NRG3: variants seen among roughly 807,000 people sequenced by gnomAD.
The protein encoded by NRG3 is neuregulin 3.
A neutral mutation model predicts 66.9 loss-of-function variants in NRG3; 31 were observed. The ratio of observed to expected loss-of-function variants is 0.46; its 90% CI spans 0.35 to 0.63. The LOEUF (loss-of-function observed/expected upper bound fraction) is 0.63, where lower values mean the gene tolerates loss of function less well. Ranked by LOEUF, NRG3 falls within the 20% of genes least tolerant of loss-of-function variation. NRG3 has a pLI of 0.00. For missense variants in NRG3, 910 were observed against 878.9 expected (o/e 1.04, Z -0.45); for synonymous variants, 393 against 359.4 (o/e 1.09, Z -1.06).
chr10:82,440,098 G>T (rs923907271), intron 2 of NRG3, among the ~76,000 whole-genome samples: 15 of 151,968 alleles, frequency 9.9e-5, no homozygotes, highest in African/African-American at 3.6e-4. Context: ...TCTAATGGCA[G>T]ATTATGTTTC....
chr10:82,982,501 A>C lies in NRG3; in HGVS notation c.1584-2597A>C, dbSNP rs550472798. On this transcript the variant is annotated intron_variant, in intron 8 of 8. Coordinates refer to ENST00000372141, the MANE Select transcript of NRG3 (RefSeq NM_001010848.4). The stretch of plus-strand genomic sequence containing the variant: ...CTCTGACTCAGAATCACATCTAGAA[A>C]TTTAGCTCTCACTTAAACTTCTGCT... Among the ~76,000 whole-genome samples the C allele has an allele frequency of 9.2e-5, 14 of 152,270 alleles. No individual in the cohort carries two copies. In the East Asian group the frequency reaches 2.7e-3, roughly 29 times the overall value.
At chr10:82,135,527 T>C (rs1420388492) in intron 1 of NRG3, among the ~76,000 whole-genome samples, 1 of 152,100 alleles carries the variant, frequency 6.6e-6, no homozygotes, top group Non-Finnish European at 1.5e-5. Flanking sequence ...CTTCATTCTT[T>C]TTGCTTTTGT....
Position 81,900,196 on chromosome 10 carries a change from G to A in NRG3, c.823+24033G>A, listed in dbSNP as rs895366783. Among the ~76,000 whole-genome samples, 9 of 151,888 alleles carry A rather than the reference G, an allele frequency of 5.9e-5. No homozygotes were observed. The South Asian group carries it at 1.2e-3, about 21-fold the overall frequency. On this transcript the variant is annotated intron_variant, in intron 1 of 8. Coordinates refer to ENST00000372141, the MANE Select transcript of NRG3 (RefSeq NM_001010848.4). ...ACACCTGACCTCAGGTGATCCACCC[G>A]CCTTGGCCTCCCAAAGTGTGGGATT...
chr10:82,068,015 C>T (rs965953393), intron 1 of NRG3, among the ~76,000 whole-genome samples: 5 of 152,158 alleles, frequency 3.3e-5, no homozygotes, highest in African/African-American at 9.7e-5. Flanking sequence ...CCTCAAGCTA[C>T]CTGTAAGTAA....
intron 1 of NRG3, among the ~76,000 whole-genome samples, chr10:82,137,087 G>A (rs2069421842): frequency 6.6e-6 from 1 of 152,108 alleles, no homozygotes; most frequent in African/African-American, 2.4e-5. Flanking sequence ...TCAATTTGAT[G>A]TTCGTGTGGG....
At chr10:82,720,681 A>G (rs1031325272) in intron 2 of NRG3, among the ~76,000 whole-genome samples, 5 of 151,854 alleles carry the variant, frequency 3.3e-5, no homozygotes, top group African/African-American at 9.7e-5. Context: ...TGGGGATTGC[A>G]TAGAATGGGT....
intron 1 of NRG3, among the ~76,000 whole-genome samples, chr10:82,139,712 G>A (rs184776681): frequency 2.5e-4 from 38 of 152,200 alleles, no homozygotes; most frequent in African/African-American, 8.2e-4. Context: ...GCACTATCAA[G>A]GTGTACACTT....
At chr10:82,611,214 G>A (rs533550536) in intron 2 of NRG3, among the ~76,000 whole-genome samples, 29 of 151,686 alleles carry the variant, frequency 1.9e-4, no homozygotes, top group African/African-American at 6.0e-4. Flanking sequence ...AGTTTTCATC[G>A]AAACTGAATT....
At chr10:81,994,909 C>T (rs952681461) in intron 1 of NRG3, among the ~76,000 whole-genome samples, 4 of 152,006 alleles carry the variant, frequency 2.6e-5, no homozygotes, top group Non-Finnish European at 4.4e-5. Flanking sequence ...AGTTCTAAAA[C>T]GTCAGTTTTC....
chr10:82,647,951 G>T (rs2051087505), intron 2 of NRG3, among the ~76,000 whole-genome samples: 1 of 146,786 alleles, frequency 6.8e-6, no homozygotes, highest in Non-Finnish European at 1.5e-5. Context: ...CCATTTTGTA[G>T]GTTGCCTGTT....
intron 1 of NRG3, among the ~76,000 whole-genome samples, chr10:81,904,073 G>T (rs923247158): frequency 6.6e-6 from 1 of 151,300 alleles, no homozygotes; most frequent in African/African-American, 2.4e-5. Context: ...GCAATGATGC[G>T]ATCTCAGCTC....
chr10:82,949,956 AT>A (rs1426995222), intron 4 of NRG3, among the ~76,000 whole-genome samples: 2 of 152,076 alleles, frequency 1.3e-5, no homozygotes, highest in Non-Finnish European at 2.9e-5. Flanking sequence ...TCCTCAGGTG[AT>A]TTTTTATGTA....
At chr10:82,681,475 G>A (rs2054108457) in intron 2 of NRG3, among the ~76,000 whole-genome samples, 1 of 152,166 alleles carries the variant, frequency 6.6e-6, no homozygotes, top group South Asian at 2.1e-4. Context: ...AGTCCAGTTG[G>A]AAATATTATG....
intron 1 of NRG3, among the ~76,000 whole-genome samples, chr10:82,260,808 GGTGCTACATGATGTTGTACAGCCTTCAT>G (rs1451905410): frequency 6.6e-6 from 1 of 152,192 alleles, no homozygotes. Context: ...TATACATTTA[GGTGCTACATGATGTTGTACAGCCTTCAT>G]GTGGTAAAGG....
intron 1 of NRG3, among the ~76,000 whole-genome samples, chr10:81,995,408 G>A (rs1181755047): frequency 6.6e-6 from 1 of 152,150 alleles, no homozygotes; most frequent in Admixed American, 6.6e-5. Flanking sequence ...TTTCATGCAT[G>A]TTGTGGCCGG....
chr10:82,398,340 C>T (rs1270765422), intron 2 of NRG3, among the ~76,000 whole-genome samples: 1 of 152,048 alleles, frequency 6.6e-6, no homozygotes, highest in Non-Finnish European at 1.5e-5. Flanking sequence ...TACTGAAAAC[C>T]CAGGGCTTGT....
At chr10:82,947,918 G>A (rs1009169771) in intron 4 of NRG3, among the ~76,000 whole-genome samples, 2 of 152,030 alleles carry the variant, frequency 1.3e-5, no homozygotes, top group Admixed American at 1.3e-4. Context: ...AATGTTGATA[G>A]ATAAAGTCCA....
intron 1 of NRG3, among the ~76,000 whole-genome samples, chr10:82,088,704 G>A (rs964813863): frequency 3.3e-5 from 5 of 152,072 alleles, no homozygotes; most frequent in East Asian, 3.9e-4. Context: ...CCCTCAGCTC[G>A]GTATTTAATA....
rs116533488 is a variant in NRG3 at position 82,596,765 on chromosome 10, A to G, written c.954-141812A>G. 1.1e-3 allele frequency among the ~76,000 whole-genome samples: 173 copies of G among 152,326 alleles called. 1 individual carries two copies. Among genetic ancestry groups the G allele is most frequent in the African/African-American group, 3.9e-3 (164 of 41,578 alleles). ...CTGAGAGTGGAGGCCAGTGTTTTGC[A>G]GTGCAAATCCGGCAGTATGGCTTGC... On this transcript the variant is annotated intron_variant, in intron 2 of 8. Coordinates refer to ENST00000372141, the MANE Select transcript of NRG3 (RefSeq NM_001010848.4).
Sources: gnomAD v4.1 joint callset for allele counts (sites outside exome capture counted in the v4.1 genomes callset) on GRCh38, gnomAD v4.1.1 for gene constraint, MANE v1.5 for transcripts, NCBI Gene and HGNC (gene_info 2026-07-23, HGNC 2026-07-21) for gene names.